Variants in CNTLN observed in about 807,000 individuals in gnomAD.
CNTLN encodes the protein centlein, centrosomal protein.
In CNTLN, 212 loss-of-function variants were observed where a neutral mutation model predicts 180.0. The ratio of observed to expected loss-of-function variants is 1.18; its 90% CI spans 1.05 to 1.32. CNTLN has a LOEUF of 1.32. Ranked by LOEUF, CNTLN falls within the 40% of genes most tolerant of loss-of-function variation. CNTLN has a pLI of 0.00. For synonymous variants in CNTLN, 722 were observed against 563.1 expected (o/e 1.28, Z -3.99); for missense variants, 2,095 against 1,610.9 (o/e 1.30, Z -5.14).
intron 2 of CNTLN, among the ~76,000 whole-genome samples, chr9:17,150,865 C>T (rs1818818272): frequency 6.6e-6 from 1 of 152,206 alleles, no homozygotes; most frequent in Non-Finnish European, 1.5e-5. Context: ...AGGTCCTTCA[C>T]ATCCTTTGTA....
At chr9:17,329,730 A>T (rs1171808730) in intron 8 of CNTLN, among the ~76,000 whole-genome samples, 1 of 151,762 alleles carries the variant, frequency 6.6e-6, no homozygotes. Context: ...TTAACCGTAT[A>T]TATTTTTCTC....
intron 5 of CNTLN, among the ~76,000 whole-genome samples, chr9:17,261,335 A>G (rs1368929145): frequency 6.6e-6 from 1 of 151,310 alleles, no homozygotes; most frequent in African/African-American, 2.4e-5. Flanking sequence ...GGTTTGTGTC[A>G]TCTATGATTT....
chr9:17,266,216 C>G (rs964156306), intron 5 of CNTLN, among the ~76,000 whole-genome samples: 1 of 152,108 alleles, frequency 6.6e-6, no homozygotes, highest in Non-Finnish European at 1.5e-5. Context: ...TGAATGTGTT[C>G]CAGAGATTCT....
chr9:17,495,734 C>T (rs527300596), intron 25 of CNTLN, among the ~76,000 whole-genome samples: 35 of 152,194 alleles, frequency 2.3e-4, no homozygotes, highest in African/African-American at 6.0e-4. Context: ...ATTTACTCAC[C>T]GCTCACTCAC....
At chr9:17,306,031 A>C (rs1563979337) in intron 7 of CNTLN, among the ~76,000 whole-genome samples, 1 of 152,190 alleles carries the variant, frequency 6.6e-6, no homozygotes, top group South Asian at 2.1e-4. Context: ...GTAGTCTTAC[A>C]CACCTAGTCA....
intron 2 of CNTLN, among the ~76,000 whole-genome samples, chr9:17,165,714 T>C (rs77998252): frequency 0.019 from 2,897 of 152,312 alleles, 59 homozygotes; most frequent in African/African-American, 0.05. Context: ...TTAGCTATTA[T>C]GAAAACTGGG....
intron 25 of CNTLN, among the ~76,000 whole-genome samples, chr9:17,492,937 A>G (rs1306101302): frequency 1.3e-5 from 2 of 152,204 alleles, no homozygotes; most frequent in Admixed American, 1.3e-4. Context: ...ATGCTACAAT[A>G]TGGATGAACC....
At chr9:17,521,080 A>G in the CNTLN span, among the ~76,000 whole-genome samples, 1 of 152,148 alleles carries the variant, frequency 6.6e-6, no homozygotes, top group African/African-American at 2.4e-5. Context: ...TCTGTAAGTA[A>G]TCTAACTAGA....
intron 18 of CNTLN, among the ~76,000 whole-genome samples, chr9:17,425,812 A>G (rs1216368614): frequency 6.6e-6 from 1 of 152,174 alleles, no homozygotes; most frequent in Non-Finnish European, 1.5e-5. Flanking sequence ...TGAGTGATGA[A>G]GTTGGTTGAA....
At chr9:17,426,667 A>C (rs1437956616) in intron 18 of CNTLN, among the ~76,000 whole-genome samples, 1 of 152,056 alleles carries the variant, frequency 6.6e-6, no homozygotes, top group African/African-American at 2.4e-5. Context: ...CATTTTAAAC[A>C]AACTTATATA....
At chr9:17,320,477 A>G (rs921740528) in intron 8 of CNTLN, among the ~76,000 whole-genome samples, 4 of 142,372 alleles carry the variant, frequency 2.8e-5, no homozygotes, top group African/African-American at 5.3e-5. Context: ...TTCTTAAATA[A>G]TATATTCCAA....
chr9:17,143,986 G>A (rs1477794484), intron 2 of CNTLN, among the ~76,000 whole-genome samples: 1 of 152,124 alleles, frequency 6.6e-6, no homozygotes, highest in African/African-American at 2.4e-5. Flanking sequence ...ATGACACTTA[G>A]CACAGCAATG....
intron 6 of CNTLN, among the ~76,000 whole-genome samples, chr9:17,289,410 A>G (rs1445391667): frequency 8.7e-6 from 1 of 115,126 alleles, no homozygotes; most frequent in Non-Finnish European, 1.7e-5. Flanking sequence ...CTTTGAGGGT[A>G]ACCCGACCTT....
At chr9:17,409,234 AC>A (rs1251682915) in intron 15 of CNTLN, 58 bp from the exon 16 acceptor site, 1 of 1,494,236 alleles carries the variant, frequency 6.7e-7, no homozygotes, top group Non-Finnish European at 9.2e-7. Context: ...TGAACTTAAG[AC>A]AAGTACATGT....
In CNTLN at chr9:17,331,188, T is replaced by C. The variant is rs141103579; in HGVS notation, c.1518+380T>C. Reference sequence around the variant, plus strand: ...ATTTGAATTAAAAGAAAAATATATCTAATATGTCTTTCAATCAGATATGAT... The same window carrying C: ...ATTTGAATTAAAAGAAAAATATATCCAATATGTCTTTCAATCAGATATGAT... On this transcript the variant is annotated intron_variant, in intron 9 of 25. Transcript: ENST00000380647. 1.9e-3 allele frequency among the ~76,000 whole-genome samples: 290 copies of C among 152,008 alleles called. 1 individual carries two copies. The highest frequency in any genetic ancestry group is 6.8e-3 in the African/African-American group (281 of 41,554).
At chr9:17,501,453 T>C (rs1335619796) in intron 25 of CNTLN, among the ~76,000 whole-genome samples, 1 of 152,216 alleles carries the variant, frequency 6.6e-6, no homozygotes, top group Non-Finnish European at 1.5e-5. Flanking sequence ...TAGTCTTTTC[T>C]CTTTTCTCCA....
At chr9:17,284,573 GTTGT>G (rs1158951263) in intron 6 of CNTLN, among the ~76,000 whole-genome samples, 5 of 152,240 alleles carry the variant, frequency 3.3e-5, no homozygotes, top group African/African-American at 1.2e-4. Flanking sequence ...TTATCTGAAG[GTTGT>G]TTGTATTTCT....
At chr9:17,163,082 A>G (rs1819792560) in intron 2 of CNTLN, among the ~76,000 whole-genome samples, 1 of 152,212 alleles carries the variant, frequency 6.6e-6, no homozygotes, top group Non-Finnish European at 1.5e-5. Flanking sequence ...CACATCTTAC[A>G]TTGTGGTAGA....
chr9:17,323,219 A>T (rs1360726755), intron 8 of CNTLN, among the ~76,000 whole-genome samples: 1 of 152,200 alleles, frequency 6.6e-6, no homozygotes, highest in African/African-American at 2.4e-5. Context: ...TGAATTCAGT[A>T]ACTACTACTG....
Sources: allele counts gnomAD v4.1 joint callset (sites outside exome capture counted in the v4.1 genomes callset), GRCh38; gene constraint gnomAD v4.1.1; transcripts MANE v1.5; gene names NCBI Gene and HGNC (gene_info 2026-07-23, HGNC 2026-07-21).